MICU2: variants seen among roughly 807,000 people sequenced by gnomAD.
MICU2 encodes the protein calcium uptake protein 2, mitochondrial.
MICU2 carries 64 observed loss-of-function variants against 60.4 expected under a neutral mutation model. That is an observed-to-expected ratio of 1.06 (90% CI 0.87 to 1.31). MICU2 has a LOEUF of 1.31. Among genes scored for constraint, MICU2 ranks in the 50% most tolerant of loss-of-function variants. MICU2 has a pLI of 0.00. For missense variants in MICU2, 569 were observed against 531.0 expected (o/e 1.07, Z -0.70); for synonymous variants, 201 against 175.0 (o/e 1.15, Z -1.17).
intron 8 of MICU2, among the ~76,000 whole-genome samples, chr13:21,508,925 T>G (rs9509769): frequency 0.18 from 27,595 of 152,252 alleles, 3,219 homozygotes; most frequent in African/African-American, 0.32. Flanking sequence ...AAGAAAGCAC[T>G]GACTACAATG....
At chr13:21,575,768 T>C (rs1026680033) in intron 1 of MICU2, among the ~76,000 whole-genome samples, 2 of 146,622 alleles carry the variant, frequency 1.4e-5, no homozygotes, top group Non-Finnish European at 3.0e-5. Flanking sequence ...GCTAGAGCCT[T>C]AATTTAAAAT....
chr13:21,600,625 A>G (rs1888791937), intron 1 of MICU2, among the ~76,000 whole-genome samples: 1 of 152,168 alleles, frequency 6.6e-6, no homozygotes, highest in African/African-American at 2.4e-5. Flanking sequence ...CAATTTATCT[A>G]CTGTTTCATG....
chr13:21,526,726 G>T (rs887279175), intron 4 of MICU2, among the ~76,000 whole-genome samples: 1 of 152,112 alleles, frequency 6.6e-6, no homozygotes, highest in Non-Finnish European at 1.5e-5. Flanking sequence ...GTATAAATGG[G>T]AAAGCTATTT....
At chr13:21,571,559 G>A (rs183475924) in intron 1 of MICU2, among the ~76,000 whole-genome samples, 7 of 152,148 alleles carry the variant, frequency 4.6e-5, no homozygotes, top group South Asian at 2.1e-4. Context: ...TTAGCCAGGC[G>A]TGGTGGCAGG....
chr13:21,537,112 T>A (rs1298570681), intron 4 of MICU2, among the ~76,000 whole-genome samples: 1 of 152,234 alleles, frequency 6.6e-6, no homozygotes. Context: ...TTTTTCCCTC[T>A]TGACTTTCCT....
intron 9 of MICU2, among the ~76,000 whole-genome samples, chr13:21,499,159 C>T (rs1183108054): frequency 6.6e-6 from 1 of 152,030 alleles, no homozygotes; most frequent in Non-Finnish European, 1.5e-5. Flanking sequence ...CCATGTTGAC[C>T]AGGCTGGTCT....
chr13:21,514,416 C>T lies in MICU2; in HGVS notation c.600G>A (p.Leu200=), dbSNP rs763845216. 1.9e-6 allele frequency: 3 copies of T among 1,612,438 alleles called. No individual in the cohort carries two copies. Among genetic ancestry groups the T allele is most frequent in the Admixed American group, 3.3e-5 (2 of 59,854 alleles). The change falls in exon 7 of 12, where the codon CTG becomes CTA. Residue 200 remains leucine (L), a splice_region_variant and synonymous_variant. Coordinates refer to ENST00000382374, the MANE Select transcript of MICU2 (RefSeq NM_152726.3). ...CATCTTGTTTACTTATGATCTTCTG[C>T]AGCTAAAAAGATTACAAACATGAGT... ...EMIEKREFFK[L]QKIISKQDDL... is the part of the protein sequence containing the mutation.
At chr13:21,603,884 G>A in intron 1 of MICU2, 55 bp downstream of exon 1, 1 of 1,585,206 alleles carries the variant, frequency 6.3e-7, no homozygotes, top group Non-Finnish European at 8.6e-7. Flanking sequence ...CCGCCTAAGG[G>A]CGTCAGGGGA....
At position 21,516,591 on chromosome 13, in the gene MICU2, C is replaced by T. The variant is rs140134199; in HGVS notation, c.598-2173G>A. Among the ~76,000 whole-genome samples, 138 of 152,238 alleles carry T rather than the reference C, an allele frequency of 9.1e-4. 2 individuals are homozygous for T. In the East Asian group the frequency reaches 0.025, roughly 27 times the overall value. ...TCTTGGATAAACACGTAGGAGATAACAAATCTGTTTAACTTTATAAGAAAC... is the reference window on the plus strand; with the variant it reads ...TCTTGGATAAACACGTAGGAGATAATAAATCTGTTTAACTTTATAAGAAAC... On this transcript the variant is annotated intron_variant, in intron 6 of 11. Coordinates refer to ENST00000382374, the MANE Select transcript of MICU2 (RefSeq NM_152726.3).
intron 2 of MICU2, among the ~76,000 whole-genome samples, chr13:21,549,473 A>T (rs938537754): frequency 6.6e-6 from 1 of 152,172 alleles, no homozygotes; most frequent in Non-Finnish European, 1.5e-5. Context: ...TCGCAAAGAT[A>T]TGGGGTCACA....
chr13:21,530,353 C>T (rs1886960018), intron 4 of MICU2, among the ~76,000 whole-genome samples: 2 of 152,030 alleles, frequency 1.3e-5, no homozygotes, highest in South Asian at 4.1e-4. Context: ...TCCTCTATTT[C>T]TCGTATGAAT....
At chr13:21,569,743 T>C (rs73443900) in intron 1 of MICU2, among the ~76,000 whole-genome samples, 3,679 of 151,486 alleles carry the variant, frequency 0.024, 158 homozygotes, top group African/African-American at 0.085. Context: ...GGTGCTAATA[T>C]CTTTACATAC....
chr13:21,557,583 T>C (rs1255433517), intron 2 of MICU2, among the ~76,000 whole-genome samples: 1 of 152,166 alleles, frequency 6.6e-6, no homozygotes, highest in Non-Finnish European at 1.5e-5. Flanking sequence ...TAAAAATGAG[T>C]TTAGGATCTA....
intron 6 of MICU2, among the ~76,000 whole-genome samples, chr13:21,518,478 A>G (rs1315456521): frequency 6.6e-6 from 1 of 152,208 alleles, no homozygotes; most frequent in African/African-American, 2.4e-5. Flanking sequence ...CGCTATGCCC[A>G]CTTTATAAAA....
rs1234365191 is a variant in MICU2, at chr13:21,492,887, G to A, written c.*362C>T. On this transcript the variant is annotated 3_prime_UTR_variant, in exon 12 of 12. Coordinates refer to ENST00000382374, the MANE Select transcript of MICU2 (RefSeq NM_152726.3). ...CCTATTAGGAACATGAAGATGTCTG[G>A]AATTGATGCTGGCCTTGGTCTCAAG... 6.4e-6 allele frequency: 1 copy of A among 157,212 alleles called. No homozygotes were observed. The highest frequency in any genetic ancestry group is 1.4e-5 in the Non-Finnish European group (1 of 71,568). The allele number at this position is 157,212 out of a possible 1,614,324, so 9.7% of individuals were successfully genotyped here. A position where few individuals can be genotyped will look rare whatever the true frequency, so the allele number is the denominator to read the frequency against.
At chr13:21,557,764 T>A (rs541288980) in intron 2 of MICU2, among the ~76,000 whole-genome samples, 1 of 152,328 alleles carries the variant, frequency 6.6e-6, no homozygotes, top group Admixed American at 6.5e-5. Context: ...ATCACATGCA[T>A]AAAGGATGTA....
chr13:21,515,410 T>C (rs1471831665), intron 6 of MICU2: 2 of 264,848 alleles, frequency 7.6e-6, no homozygotes, highest in South Asian at 3.8e-5. Context: ...ATTTATATCA[T>C]ACACATAGTC....
chr13:21,541,405 A>G (rs1887280968), intron 2 of MICU2, among the ~76,000 whole-genome samples: 1 of 152,194 alleles, frequency 6.6e-6, no homozygotes, highest in South Asian at 2.1e-4. Flanking sequence ...TTGATTGAAT[A>G]ATATAACACC....
chr13:21,561,060 A>C (rs1354533979), intron 2 of MICU2, among the ~76,000 whole-genome samples: 1 of 152,152 alleles, frequency 6.6e-6, no homozygotes, highest in East Asian at 1.9e-4. Context: ...CCCATGTGTT[A>C]TTTAAAAGTG....
Sources: allele counts gnomAD v4.1 joint callset (sites outside exome capture counted in the v4.1 genomes callset), GRCh38; gene constraint gnomAD v4.1.1; transcripts MANE v1.5; gene names NCBI Gene and HGNC (gene_info 2026-07-23, HGNC 2026-07-21).